ZC3H12B: variants seen among roughly 807,000 people sequenced by gnomAD.
ZC3H12B encodes probable ribonuclease ZC3H12B.
A neutral mutation model predicts 43.9 loss-of-function variants in ZC3H12B; 7 were observed. That is an observed-to-expected ratio of 0.16 (90% CI 0.09 to 0.30). The LOEUF is 0.30. ZC3H12B is among the 10% of genes least tolerant of loss of function. The pLI is 1.00. For missense variants in ZC3H12B, 475 were observed against 670.2 expected, an observed-to-expected ratio of 0.71 and a Z score of 3.22; for synonymous variants, 222 against 241.7, an observed-to-expected ratio of 0.92 and a Z score of 0.76.
intron 3 of ZC3H12B, among the ~76,000 whole-genome samples, chrX:65,425,459 T>A (rs1268067771): frequency 9.0e-6 from 1 of 111,065 alleles, no homozygotes; most frequent in East Asian, 2.8e-4. Flanking sequence ...ACTCTTTATT[T>A]TTTTTTCTCT....
chrX:65,387,367 T>G (rs1368921804), intron 2 of ZC3H12B, among the ~76,000 whole-genome samples: 1 of 112,171 alleles, frequency 8.9e-6, no homozygotes, highest in African/African-American at 3.2e-5. Flanking sequence ...TAGATTTTCT[T>G]GTGGAACTGA....
At chrX:65,318,240 G>C in the ZC3H12B span, among the ~76,000 whole-genome samples, 1 of 106,963 alleles carries the variant, frequency 9.3e-6, no homozygotes, top group Non-Finnish European at 1.9e-5. Context: ...ATGTGGTATC[G>C]CATTGTGGTT....
the ZC3H12B span, among the ~76,000 whole-genome samples, chrX:65,263,871 C>G: frequency 9.0e-6 from 1 of 111,233 alleles, no homozygotes; most frequent in African/African-American, 3.3e-5. Context: ...ATATGTTTAT[C>G]ACAGTACAAT....
the ZC3H12B span, among the ~76,000 whole-genome samples, chrX:65,317,574 T>G: frequency 9.1e-6 from 1 of 109,309 alleles, no homozygotes. Context: ...TGTATTATTC[T>G]TATGCCGTTG....
chrX:65,359,739 T>G, the ZC3H12B span, among the ~76,000 whole-genome samples: 2 of 112,522 alleles, frequency 1.8e-5, no homozygotes, highest in Non-Finnish European at 3.8e-5. Context: ...CTGTGAGCAT[T>G]GTTGAAATTA....
At chrX:65,206,357 C>G in the ZC3H12B span, among the ~76,000 whole-genome samples, 8 of 111,568 alleles carry the variant, frequency 7.2e-5, no homozygotes, top group African/African-American at 2.6e-4. Context: ...GAAATAAAGC[C>G]AAACACTTAC....
At chrX:65,212,201 T>TA in the ZC3H12B span, among the ~76,000 whole-genome samples, 3 of 13,731 alleles carry the variant, frequency 2.2e-4, no homozygotes, top group African/African-American at 4.5e-4. Context: ...TATAATATAA[T>TA]TATTATATAA....
chrX:65,181,041 G>C, the ZC3H12B span, among the ~76,000 whole-genome samples: 3 of 111,189 alleles, frequency 2.7e-5, no homozygotes, highest in Non-Finnish European at 3.8e-5. Context: ...CATGGTACTG[G>C]TACCAAAACA....
the ZC3H12B span, among the ~76,000 whole-genome samples, chrX:65,248,344 A>G: frequency 3.6e-5 from 4 of 111,451 alleles, no homozygotes; most frequent in Non-Finnish European, 7.5e-5. Context: ...CATTTTTTAG[A>G]AAGGAGTATT....
chrX:65,256,889 A>G, the ZC3H12B span, among the ~76,000 whole-genome samples: 1 of 112,382 alleles, frequency 8.9e-6, no homozygotes, highest in African/African-American at 3.2e-5. Flanking sequence ...AATGCAAATC[A>G]AAACCACAAT....
At chrX:65,376,796 G>C (rs1489836822) in intron 2 of ZC3H12B, among the ~76,000 whole-genome samples, 2 of 110,871 alleles carry the variant, frequency 1.8e-5, no homozygotes, top group Non-Finnish European at 3.8e-5. Flanking sequence ...TCTCAAGATG[G>C]ACTGAGTAAA....
the ZC3H12B span, among the ~76,000 whole-genome samples, chrX:65,069,126 T>G: frequency 9.1e-6 from 1 of 109,481 alleles, no homozygotes; most frequent in East Asian, 2.9e-4. Flanking sequence ...TTCAATCTGC[T>G]TGGTGTTGTA....
chrX:65,100,669 G>A, the ZC3H12B span, among the ~76,000 whole-genome samples: 4 of 105,409 alleles, frequency 3.8e-5, no homozygotes, highest in Non-Finnish European at 7.7e-5. Context: ...ATTACATGAT[G>A]GTAAATGGAT....
the ZC3H12B span, among the ~76,000 whole-genome samples, chrX:65,274,407 C>T: frequency 9.0e-6 from 1 of 110,523 alleles, no homozygotes; most frequent in African/African-American, 3.3e-5. Context: ...ATCTCCAGCA[C>T]TGAGGCTCCA....
the ZC3H12B span, among the ~76,000 whole-genome samples, chrX:65,325,177 C>T: frequency 9.0e-6 from 1 of 110,826 alleles, no homozygotes; most frequent in Admixed American, 9.7e-5. Flanking sequence ...CTACATGCAT[C>T]CTAATATCCA....
At chrX:65,388,496 T>A (rs1258502493) in intron 2 of ZC3H12B, among the ~76,000 whole-genome samples, 1 of 112,171 alleles carries the variant, frequency 8.9e-6, no homozygotes, top group Non-Finnish European at 1.9e-5. Flanking sequence ...CTCCATCATG[T>A]CCTTTAAGGA....
chrX:65,364,543 G>C (rs906558375), upstream of ZC3H12B, among the ~76,000 whole-genome samples: 1 of 89,401 alleles, frequency 1.1e-5, no homozygotes, highest in African/African-American at 9.8e-5. Context: ...TATCCTTCAT[G>C]GCAGTTTTTC....
chrX:65,265,580 T>C, the ZC3H12B span, among the ~76,000 whole-genome samples: 1 of 111,771 alleles, frequency 8.9e-6, no homozygotes, highest in Non-Finnish European at 1.9e-5. Flanking sequence ...TGAAAATAGG[T>C]CTATAGACCA....
chrX:65,366,266 T>C (rs1013569795), upstream of ZC3H12B, among the ~76,000 whole-genome samples: 5 of 111,035 alleles, frequency 4.5e-5, no homozygotes, highest in African/African-American at 9.8e-5. Context: ...GGTGCTTTTT[T>C]CCAAGTGGTG....
Sources: gnomAD v4.1 joint callset for allele counts (sites outside exome capture counted in the v4.1 genomes callset) on GRCh38, gnomAD v4.1.1 for gene constraint, MANE v1.5 for transcripts, NCBI Gene and HGNC (gene_info 2026-07-23, HGNC 2026-07-21) for gene names.